PKM: variants seen among roughly 807,000 people sequenced by gnomAD.
PKM encodes the protein pyruvate kinase M1/2, also known as pyruvate kinase PKM.
A neutral mutation model predicts 49.8 loss-of-function variants in PKM; 18 were observed. The ratio of observed to expected loss-of-function variants is 0.36; its 90% CI spans 0.25 to 0.54. The LOEUF is 0.54. PKM is among the 20% of genes least tolerant of loss of function. The pLI is 0.89. For synonymous variants in PKM, 239 were observed against 261.8 expected, an observed-to-expected ratio of 0.91 and a Z score of 0.84; for missense variants, 508 against 713.8, an observed-to-expected ratio of 0.71 and a Z score of 3.28.
At chr15:72,230,829 G>C (rs1339029604) in intron 1 of PKM, 1 of 790,440 alleles carries the variant, frequency 1.3e-6, no homozygotes, top group African/African-American at 1.8e-5. Flanking sequence ...TTGAGGATTG[G>C]GGCAGGAGGA....
At chr15:72,219,728 C>T (rs1300743421) in intron 1 of PKM, among the ~76,000 whole-genome samples, 8 of 152,184 alleles carry the variant, frequency 5.3e-5, no homozygotes, top group Non-Finnish European at 7.3e-5. Flanking sequence ...TGTCAGGACA[C>T]GCAAAGCAAT....
At chr15:72,206,625 T>C in intron 8 of PKM, 103 bp downstream of exon 8, 2 of 1,152,642 alleles carry the variant, frequency 1.7e-6, no homozygotes, top group Admixed American at 3.5e-5. Flanking sequence ...TGAAAGGCTG[T>C]GCATAAGAGG....
At chr15:72,219,909 A>G (rs1490582325) in intron 1 of PKM, among the ~76,000 whole-genome samples, 1 of 152,240 alleles carries the variant, frequency 6.6e-6, no homozygotes, top group Admixed American at 6.5e-5. Context: ...CCTGACAAGT[A>G]TACCACCACT....
At chr15:72,226,234 T>C (rs1009151994) in intron 1 of PKM, among the ~76,000 whole-genome samples, 9 of 152,140 alleles carry the variant, frequency 5.9e-5, no homozygotes, top group South Asian at 2.1e-4. Context: ...TTGTTTAAAA[T>C]TGAAGAAACA....
At chr15:72,217,541 AAAG>A in intron 2 of PKM, 41 bp from the exon 3 acceptor site, 1 of 1,254,666 alleles carries the variant, frequency 8.0e-7, no homozygotes. Flanking sequence ...TTAATTATTC[AAAG>A]AAGGAAAAAC....
chr15:72,223,180 CA>C (rs2082572461), intron 1 of PKM, among the ~76,000 whole-genome samples: 1 of 152,020 alleles, frequency 6.6e-6, no homozygotes, highest in Admixed American at 6.6e-5. Context: ...ACCCAACTCC[CA>C]TGCTCCACTT....
rs749886642 is a variant in PKM at position 72,200,402 on chromosome 15, G to A, written c.1489+72C>T. ...CCCCTTTCTATTCCCCAAACTTTCG[G>A]GGTCCCACAGAAGCCAATGCTCAAG... On this transcript the variant is annotated intron_variant, in intron 10 of 10. Coordinates refer to ENST00000335181, the MANE Select transcript of PKM (RefSeq NM_002654.6). The surrounding 1 kb of genome is among the most constrained non-coding windows in gnomAD (Gnocchi z 4.6). 3 of 1,456,100 alleles carry A rather than the reference G, an allele frequency of 2.1e-6. No individual in the cohort carries two copies. The highest frequency in any genetic ancestry group is 2.9e-6 in the Non-Finnish European group (3 of 1,041,130). The allele number at this position is 1,456,100 out of a possible 1,614,324, so 90.2% of individuals were successfully genotyped here.
intron 1 of PKM, among the ~76,000 whole-genome samples, chr15:72,221,472 C>T (rs1434896532): frequency 1.3e-5 from 2 of 151,708 alleles, no homozygotes; most frequent in Admixed American, 6.6e-5. Context: ...CTTTTGGGAG[C>T]GGGGAAGGGA....
chr15:72,213,580 G>C (rs1357562760), intron 3 of PKM, among the ~76,000 whole-genome samples: 1 of 152,166 alleles, frequency 6.6e-6, no homozygotes, highest in East Asian at 1.9e-4. Flanking sequence ...GCAGGCATGT[G>C]CCACCATGCC....
At chr15:72,218,824 G>A in intron 2 of PKM, 120 bp downstream of exon 2, 1 of 1,005,330 alleles carries the variant, frequency 9.9e-7, no homozygotes, top group Admixed American at 2.0e-5. Context: ...CCTTTCATAA[G>A]AATCTGTGTA....
chr15:72,201,970 A>G (rs147044874), intron 9 of PKM: 5 of 214,952 alleles, frequency 2.3e-5, no homozygotes, highest in Admixed American at 1.1e-4. Flanking sequence ...CCAAGATAGC[A>G]CAGCAACCTC....
chr15:72,227,758 A>C (rs1050942695), intron 1 of PKM, among the ~76,000 whole-genome samples: 3 of 133,108 alleles, frequency 2.3e-5, no homozygotes, highest in East Asian at 2.0e-4. Context: ...AAAAAAAAAA[A>C]AAAAAAAAAA....
At position 72,213,493 on chromosome 15, in the gene PKM, C is replaced by T. The variant is rs143960752; in HGVS notation, c.247-3015G>A. Among the ~76,000 whole-genome samples the T allele has an allele frequency of 1.9e-3, 294 of 152,318 alleles. 1 individual carries two copies. The highest frequency in any genetic ancestry group is 6.9e-3 in the African/African-American group (288 of 41,574). ...ACTTTTTGGCTGGAGTGCAGTGGCG[C>T]GATCTTGGCTCACTGTAGCCTCCAC... On this transcript the variant is annotated intron_variant, in intron 3 of 10. Transcript: ENST00000335181.
chr15:72,213,884 A>G (rs1239730742), intron 3 of PKM, among the ~76,000 whole-genome samples: 1 of 152,194 alleles, frequency 6.6e-6, no homozygotes, highest in Non-Finnish European at 1.5e-5. Flanking sequence ...TGTGTAGGAA[A>G]TATTCTCTTT....
intron 8 of PKM, chr15:72,204,346 C>A (rs1227857440): frequency 6.6e-6 from 1 of 152,240 alleles, no homozygotes; most frequent in Non-Finnish European, 1.5e-5. Context: ...CTGAGCAGTG[C>A]CATGCAATCC....
chr15:72,206,635 G>C, intron 8 of PKM, 93 bp downstream of exon 8: 1 of 1,257,036 alleles, frequency 8.0e-7, no homozygotes, highest in East Asian at 2.3e-5. Flanking sequence ...TGCATAAGAG[G>C]ATGGAGAAAC....
intron 8 of PKM, 65 bp downstream of exon 8, chr15:72,206,663 A>T (rs555107580): frequency 2.3e-5 from 35 of 1,514,782 alleles, no homozygotes; most frequent in Non-Finnish European, 3.1e-5. Flanking sequence ...GCTCTGCACC[A>T]GAGCTTGCAT....
intron 5 of PKM, chr15:72,209,435 ATATATGTATATATATATATATATG>A (rs1415310572): frequency 0.22 from 4,177 of 19,422 alleles, 82 homozygotes; most frequent in East Asian, 0.3. Flanking sequence ...ATATATATAT[ATATATGTATATATATATATATATG>A]TATGTATGTT....
chr15:72,213,777 A>G (rs1210850831), intron 3 of PKM, among the ~76,000 whole-genome samples: 3 of 152,120 alleles, frequency 2.0e-5, no homozygotes, highest in African/African-American at 2.4e-5. Flanking sequence ...CATATTTTCT[A>G]TCTTTTGGAT....
Sources: allele counts gnomAD v4.1 joint callset (sites outside exome capture counted in the v4.1 genomes callset), GRCh38; gene constraint gnomAD v4.1.1; non-coding constraint Gnocchi (gnomAD v3.1); transcripts MANE v1.5; gene names NCBI Gene and HGNC (gene_info 2026-07-23, HGNC 2026-07-21).